Variants in PCDHGA2 observed in about 807,000 individuals in gnomAD.
The protein encoded by PCDHGA2 is protocadherin gamma-A2.
PCDHGA2 carries 40 observed loss-of-function variants against 59.2 expected under a neutral mutation model. The ratio of observed to expected loss-of-function variants is 0.68; its 90% confidence interval spans 0.52 to 0.88. The LOEUF (loss-of-function observed/expected upper bound fraction) is 0.88. Among genes scored for constraint, PCDHGA2 ranks in the 40% least tolerant of loss-of-function variants. The probability of loss-of-function intolerance (pLI) is 0.00; values close to 1 mark genes in which losing one functional copy is unlikely to be tolerated. For synonymous variants in PCDHGA2, 560 were observed against 526.0 expected, an observed-to-expected ratio of 1.06 and a Z score of -0.89; for missense variants, 1,226 against 1,204.0, an observed-to-expected ratio of 1.02 and a Z score of -0.27.
chr5:141,453,318 AG>A (rs1299190594), intron 1 of PCDHGA2, among the ~76,000 whole-genome samples: 2 of 151,458 alleles, frequency 1.3e-5, no homozygotes, highest in Non-Finnish European at 2.9e-5. Context: ...TTTATTTTAG[AG>A]ATGGGGTCTC....
intron 2 of PCDHGA2, among the ~76,000 whole-genome samples, chr5:141,502,124 A>G (rs4912762): frequency 0.55 from 83,213 of 152,012 alleles, 23,486 homozygotes; most frequent in African/African-American, 0.67. Flanking sequence ...CCAGGCCCAC[A>G]GAGCTCAGTC....
At chr5:141,349,325 C>T (rs1263970552) in intron 1 of PCDHGA2, among the ~76,000 whole-genome samples, 2 of 152,160 alleles carry the variant, frequency 1.3e-5, no homozygotes, top group African/African-American at 4.8e-5. Flanking sequence ...CCACCTTGGC[C>T]TCCCAAAGTG....
chr5:141,341,148 A>T lies in PCDHGA2; in HGVS notation c.2177A>T (p.Gln726Leu). 6.2e-7 allele frequency: 1 copy of T among 1,614,220 alleles called. No homozygotes were observed. The highest frequency in any genetic ancestry group is 8.5e-7 in the Non-Finnish European group (1 of 1,180,032). Residue 726 changes from glutamine to leucine, a missense_variant, in exon 1 of 4, where the codon CAG (glutamine) becomes CTG (leucine). Physicochemically the swap from Gln to Leu is moderately radical, Grantham distance 113. Coordinates refer to ENST00000394576, the MANE Select transcript of PCDHGA2 (RefSeq NM_018915.4). ...CGCTGGCACAAGTCACGCCTGCTGCAGGCTTCAGGAGGCAGCTTGACAGGC... is the reference window on the plus strand; with the variant it reads ...CGCTGGCACAAGTCACGCCTGCTGCTGGCTTCAGGAGGCAGCTTGACAGGC... ...LRRWHKSRLLQASGGSLTGMQ... is the reference protein window; with the variant it reads ...LRRWHKSRLLLASGGSLTGMQ...
At chr5:141,400,112 A>G in intron 1 of PCDHGA2, 1 of 1,614,034 alleles carries the variant, frequency 6.2e-7, no homozygotes. Context: ...GTCTTTGCTG[A>G]CAGCTTGCAG....
intron 1 of PCDHGA2, among the ~76,000 whole-genome samples, chr5:141,464,370 T>C (rs1239284694): frequency 6.6e-6 from 1 of 151,828 alleles, no homozygotes. Context: ...CCAATATTTT[T>C]GCAATATAAA....
chr5:141,344,603 G>GT, intron 1 of PCDHGA2: 1 of 1,613,990 alleles, frequency 6.2e-7, no homozygotes, highest in Admixed American at 1.7e-5. Context: ...AGGGGGCCAA[G>GT]TATCCAGAGC....
intron 1 of PCDHGA2, among the ~76,000 whole-genome samples, chr5:141,483,340 C>T (rs906468552): frequency 5.9e-5 from 9 of 152,036 alleles, no homozygotes; most frequent in Non-Finnish European, 1.2e-4. Flanking sequence ...GATCTTATCT[C>T]TTTGCAATAG....
At position 141,360,515 on chromosome 5, in the gene PCDHGA2, A is replaced by C. The variant is rs761181928; in HGVS notation, c.2424+19120A>C. The C allele has an allele frequency of 1.9e-6, 3 of 1,613,898 alleles. No homozygotes were observed. The East Asian group carries it at 6.7e-5, about 36-fold the overall frequency. ...ATAGCAGTAATTGTGCAGGATATAAATGATAATACCCCGCTATTCAAACAG... is the reference window on the plus strand; with the variant it reads ...ATAGCAGTAATTGTGCAGGATATAACTGATAATACCCCGCTATTCAAACAG... On this transcript the variant is annotated intron_variant, in intron 1 of 3. Coordinates refer to ENST00000394576, the MANE Select transcript of PCDHGA2 (RefSeq NM_018915.4).
chr5:141,490,215 G>C lies in PCDHGA2; in HGVS notation c.2425-4592G>C. 6.2e-7 allele frequency: 1 copy of C among 1,614,254 alleles called. No individual in the cohort carries two copies. Among genetic ancestry groups the C allele is most frequent in the African/African-American group, 1.3e-5 (1 of 75,078 alleles). On this transcript the variant is annotated intron_variant, in intron 1 of 3. Coordinates refer to ENST00000394576, the MANE Select transcript of PCDHGA2 (RefSeq NM_018915.4). The surrounding 1 kb of genome is among the most constrained non-coding windows in gnomAD (Gnocchi z 5.4). ...AAATTCATGCAAGAGCCCGTGACCA[G>C]GGACAGCCTGCCATGGAGGGCCACT... is the stretch of plus-strand genomic sequence containing the variant.
At chr5:141,344,081 G>A in intron 1 of PCDHGA2, 2 of 1,611,306 alleles carry the variant, frequency 1.2e-6, no homozygotes, top group Non-Finnish European at 1.7e-6. Flanking sequence ...TGGCCCTGCT[G>A]TGCGCGCTCC....
At chr5:141,422,592 C>T (rs2096658264) in intron 1 of PCDHGA2, 1 of 1,614,090 alleles carries the variant, frequency 6.2e-7, no homozygotes. Flanking sequence ...TTTTTCCTCA[C>T]TCCTCTTACT....
rs373297942 is a variant in PCDHGA2, at chr5:141,431,494, C to T, written c.2425-63313C>T. On this transcript the variant is annotated intron_variant, in intron 1 of 3. Coordinates refer to ENST00000394576, the MANE Select transcript of PCDHGA2 (RefSeq NM_018915.4). This position sits in a 1 kb window ranked among gnomAD's most constrained non-coding sequence, Gnocchi z 4.8. ...ACAACGCACCAGCGTTTGCTCAGCC[C>T]GAGTACCGCGCGAGCGTTCCGGAGA... 107 of 1,613,838 alleles carry T rather than the reference C, an allele frequency of 6.6e-5. No homozygotes were observed. Among genetic ancestry groups the T allele is most frequent in the Middle Eastern group, 1.6e-4 (1 of 6,084 alleles).
chr5:141,375,766 G>C lies in PCDHGA2; in HGVS notation c.2424+34371G>C, dbSNP rs754916018. The C allele has an allele frequency of 4.3e-6, 7 of 1,614,270 alleles. No homozygotes were observed. In the South Asian group the frequency reaches 7.7e-5, roughly 18 times the overall value. On this transcript the variant is annotated intron_variant, in intron 1 of 3. Coordinates refer to ENST00000394576, the MANE Select transcript of PCDHGA2 (RefSeq NM_018915.4). ...TGGACCAGAATGACAATGCGCCCGA[G>C]ATCCTGTACCCCGCCCTCCCCACAG...
chr5:141,409,447 A>C, intron 1 of PCDHGA2: 1 of 1,614,008 alleles, frequency 6.2e-7, no homozygotes, highest in Non-Finnish European at 8.5e-7. Context: ...GAGAGCAGAC[A>C]CCAGAATACA....
chr5:141,509,709 T>C (rs1344120168), intron 3 of PCDHGA2, among the ~76,000 whole-genome samples: 1 of 152,200 alleles, frequency 6.6e-6, no homozygotes, highest in African/African-American at 2.4e-5. Context: ...CTGGAGGTGC[T>C]GTCTGATGTC....
At chr5:141,428,245 C>A in intron 1 of PCDHGA2, 1 of 948,140 alleles carries the variant, frequency 1.1e-6, no homozygotes, top group South Asian at 1.4e-5. Flanking sequence ...GGAGGCACTG[C>A]CAGACTTCAG....
At chr5:141,500,866 A>G (rs576713520) in intron 2 of PCDHGA2, among the ~76,000 whole-genome samples, 19 of 146,112 alleles carry the variant, frequency 1.3e-4, no homozygotes, top group South Asian at 4.3e-4. Context: ...AAACATACAC[A>G]TTCATTTACA....
chr5:141,375,542 G>GTC (rs767363908), intron 1 of PCDHGA2: 3 of 1,613,976 alleles, frequency 1.9e-6, no homozygotes, highest in Non-Finnish European at 2.5e-6. Flanking sequence ...GAACGCCCAA[G>GTC]TCTCCTACTC....
At chr5:141,379,475 T>C (rs192049867) in intron 1 of PCDHGA2, 35 of 152,390 alleles carry the variant, frequency 2.3e-4, no homozygotes, top group African/African-American at 8.2e-4. Flanking sequence ...GTGTGAATGT[T>C]ATTTTACTAT....
Sources: gnomAD v4.1 joint callset for allele counts (sites outside exome capture counted in the v4.1 genomes callset) on GRCh38, gnomAD v4.1.1 for gene constraint, Gnocchi (gnomAD v3.1) non-coding constraint, MANE v1.5 for transcripts, NCBI Gene and HGNC (gene_info 2026-07-23, HGNC 2026-07-21) for gene names.